The following COL18A1 variants were observed in gnomAD, a reference collection of about 807,000 sequenced individuals.
COL18A1 encodes the protein collagen type XVIII alpha 1 chain, also known as collagen alpha-1(XVIII) chain.
Under a neutral mutation model 168.0 loss-of-function variants are expected in COL18A1, and 133 were observed. That is an observed-to-expected ratio of 0.79 (90% CI 0.69 to 0.91). The LOEUF is 0.91. Among genes scored for constraint, COL18A1 ranks in the 40% least tolerant of loss-of-function variants. The pLI is 0.00. For missense variants in COL18A1, 2,126 were observed against 1,925.4 expected (o/e 1.10, Z -1.95); for synonymous variants, 949 against 809.0 (o/e 1.17, Z -2.94).
intron 2 of COL18A1, 63 bp from the exon 3 acceptor site, chr21:45,468,179 C>T (rs1362447367): frequency 7.0e-6 from 11 of 1,578,638 alleles, no homozygotes; most frequent in Admixed American, 1.7e-5. Flanking sequence ...CTCTCCAGGC[C>T]GCGTCGGTGG....
Position 45,476,328 on chromosome 21 carries a change from C to T in COL18A1, c.799-23C>T, listed in dbSNP as rs1478066028. On this transcript the variant is annotated intron_variant, in intron 5 of 41. Transcript: ENST00000651438. ...GGGCATCTGCCGGCCGAATAACAGGCCACCTCCCCTCTCGTCCTCCAGGGC... is the reference window on the plus strand; with the variant it reads ...GGGCATCTGCCGGCCGAATAACAGGTCACCTCCCCTCTCGTCCTCCAGGGC... 5 of 1,613,638 alleles carry T rather than the reference C, an allele frequency of 3.1e-6. No homozygotes were observed. In the African/African-American group the frequency reaches 5.3e-5, roughly 17 times the overall value.
chr21:45,413,173 G>T (rs761334786), intron 2 of COL18A1, among the ~76,000 whole-genome samples: 1 of 152,200 alleles, frequency 6.6e-6, no homozygotes, highest in Non-Finnish European at 1.5e-5. Context: ...GCAGAGCCCC[G>T]TAGGAGGGAC....
At chr21:45,430,752 G>A (rs529438629) in intron 2 of COL18A1, among the ~76,000 whole-genome samples, 8 of 152,264 alleles carry the variant, frequency 5.3e-5, no homozygotes, top group South Asian at 4.1e-4. Context: ...TCAGTGGCCC[G>A]GCTGGCTTTC....
At chr21:45,416,379 C>T (rs559043489) in intron 2 of COL18A1, among the ~76,000 whole-genome samples, 86 of 151,422 alleles carry the variant, frequency 5.7e-4, no homozygotes, top group Non-Finnish European at 1.1e-3. Context: ...GGCACAGTCT[C>T]CCCACGCCTG....
chr21:45,505,512 T>C (rs2037145167), intron 36 of COL18A1, 81 bp downstream of exon 36: 3 of 776,874 alleles, frequency 3.9e-6, no homozygotes, highest in Admixed American at 4.1e-5. Context: ...AGAGACACTC[T>C]CCCACGGACC....
chr21:45,412,801 G>A (rs993699237), intron 2 of COL18A1, among the ~76,000 whole-genome samples: 1 of 152,224 alleles, frequency 6.6e-6, no homozygotes. Flanking sequence ...TCTTGACTCT[G>A]CCTTTGTGGA....
intron 4 of COL18A1, among the ~76,000 whole-genome samples, chr21:45,474,803 G>C (rs1317688018): frequency 6.8e-6 from 1 of 146,948 alleles, no homozygotes; most frequent in African/African-American, 2.5e-5. Flanking sequence ...AGACACCGTG[G>C]CTGGACTGTG....
chr21:45,449,549 C>T (rs80265736), intron 2 of COL18A1, among the ~76,000 whole-genome samples: 3,484 of 152,128 alleles, frequency 0.023, 56 homozygotes, highest in Middle Eastern at 0.061. Flanking sequence ...CTGCCCCCAC[C>T]GTGGGGGAGA....
At chr21:45,448,214 T>C (rs2034543630) in intron 2 of COL18A1, among the ~76,000 whole-genome samples, 1 of 152,182 alleles carries the variant, frequency 6.6e-6, no homozygotes, top group Admixed American at 6.5e-5. Context: ...CATACACACC[T>C]TCCATTCGAC....
chr21:45,496,696 G>C, intron 30 of COL18A1, 128 bp downstream of exon 30: 2 of 728,834 alleles, frequency 2.7e-6, no homozygotes, highest in Admixed American at 1.9e-5. Context: ...TGCCAGTCTG[G>C]TGGGCAGTGG....
intron 2 of COL18A1, among the ~76,000 whole-genome samples, chr21:45,447,560 C>T (rs1029291957): frequency 2.6e-5 from 4 of 152,120 alleles, no homozygotes; most frequent in Non-Finnish European, 5.9e-5. Flanking sequence ...GATTGGAAGA[C>T]AGAATACTCC....
chr21:45,409,136 G>GGCCA (rs2033212565), intron 2 of COL18A1, among the ~76,000 whole-genome samples: 2 of 151,840 alleles, frequency 1.3e-5, no homozygotes, highest in African/African-American at 4.8e-5. Flanking sequence ...TGCCTGCCAG[G>GGCCA]GCCAGTCAGA....
At chr21:45,474,963 C>T (rs181509824) in intron 4 of COL18A1, among the ~76,000 whole-genome samples, 5 of 152,320 alleles carry the variant, frequency 3.3e-5, no homozygotes, top group East Asian at 1.9e-4. Flanking sequence ...TTGCTGGGTG[C>T]GGGGGGTCGC....
chr21:45,440,994 G>T (rs952049808), intron 2 of COL18A1, among the ~76,000 whole-genome samples: 2 of 152,184 alleles, frequency 1.3e-5, no homozygotes, highest in Non-Finnish European at 2.9e-5. Flanking sequence ...CAGTTCTCTC[G>T]CTGTGCCGAG....
rs552665331 is a variant in COL18A1 at position 45,436,347 on chromosome 21, C to T, written c.106+30874C>T. Among the ~76,000 whole-genome samples, 285 of 152,356 alleles carry T rather than the reference C, an allele frequency of 1.9e-3. 1 individual carries two copies. The highest frequency in any genetic ancestry group is 3.4e-3 in the Middle Eastern group (1 of 294). Reference sequence around the variant, plus strand: ...TCACCCGGGGCCCATCCAGCGTGTGCAGTGGGCAGAAGCCTGCGTGAGCTG... The same window carrying T: ...TCACCCGGGGCCCATCCAGCGTGTGTAGTGGGCAGAAGCCTGCGTGAGCTG... On this transcript the variant is annotated intron_variant, in intron 2 of 41. Transcript: ENST00000651438.
Position 45,443,092 on chromosome 21 carries a change from A to G in COL18A1, c.107-25150A>G, listed in dbSNP as rs867475105. Among the ~76,000 whole-genome samples, 111 of 78,956 alleles carry G rather than the reference A, an allele frequency of 1.4e-3. 6 individuals are homozygous for G. Among genetic ancestry groups the G allele is most frequent in the South Asian group, 3.1e-3 (7 of 2,288 alleles). The allele number at this position is 78,956 out of a possible 152,430, so 51.8% of individuals were successfully genotyped here. A position where few individuals can be genotyped will look rare whatever the true frequency, so the allele number is the denominator to read the frequency against. On this transcript the variant is annotated intron_variant, in intron 2 of 41. Transcript: ENST00000651438. The surrounding 1 kb of genome is among the most constrained non-coding windows in gnomAD (Gnocchi z 5.2). ...GCTGGTGTGGGTGGTGGTGGTGCTG[A>G]TGTGGGCGGCGGTGCTGGTGTGGGC...
At position 45,510,804 on chromosome 21, in the gene COL18A1, G is replaced by A. The variant is rs564426083; in HGVS notation, c.3694-307G>A. 5.9e-5 allele frequency among the ~76,000 whole-genome samples: 9 copies of A among 152,216 alleles called. No individual in the cohort carries two copies. In the South Asian group the frequency reaches 8.3e-4, roughly 14 times the overall value. ...TGGGAGCAGGCGGCTGTGGCCTGGCGTTAGGGGACAGGGTCCCCTGCCTTA... is the reference window on the plus strand; with the variant it reads ...TGGGAGCAGGCGGCTGTGGCCTGGCATTAGGGGACAGGGTCCCCTGCCTTA... On this transcript the variant is annotated intron_variant, in intron 40 of 41. Transcript: ENST00000651438.
intron 27 of COL18A1, 43 bp from the exon 28 acceptor site, chr21:45,494,819 G>A (rs376364426): frequency 3.5e-5 from 55 of 1,574,216 alleles, no homozygotes; most frequent in African/African-American, 1.4e-4. Flanking sequence ...GTGGTCAAGG[G>A]CCAGGGTCTG....
rs376722572 is a variant in COL18A1, at chr21:45,475,512, C to T, written c.775C>T (p.Arg259Trp). The T allele has an allele frequency of 8.6e-5, 138 of 1,606,988 alleles. No individual in the cohort carries two copies. Among genetic ancestry groups the T allele is most frequent in the Non-Finnish European group, 1.1e-4 (131 of 1,178,388 alleles). Residue 259 changes from arginine (R) to tryptophan (W), a missense_variant, in exon 5 of 42, where the codon CGG becomes TGG. Arg to Trp is a moderately radical substitution (Grantham distance 101, BLOSUM62 -3). Coordinates refer to ENST00000651438, the MANE Select transcript of COL18A1 (RefSeq NM_001379500.1). ...CTCTGGCAGCGGGCTCGGGGACGCC[C>T]GGGAGCTTCTCAGGGAGGAGACGGT... Reference protein sequence around the residue: ...GDSGSGLGDARELLREETGAA... With the variant: ...GDSGSGLGDAWELLREETGAA...
Sources: allele counts gnomAD v4.1 joint callset (sites outside exome capture counted in the v4.1 genomes callset), GRCh38; gene constraint gnomAD v4.1.1; non-coding constraint Gnocchi (gnomAD v3.1); transcripts MANE v1.5; gene names NCBI Gene and HGNC (gene_info 2026-07-23, HGNC 2026-07-21).